The following EZH1 variants were observed in gnomAD, a reference collection of about 807,000 sequenced individuals.
EZH1 encodes the protein enhancer of zeste 1 polycomb repressive complex 2 subunit.
A neutral mutation model predicts 100.5 loss-of-function variants in EZH1; 33 were observed. The ratio of observed to expected loss-of-function variants is 0.33; its 90% CI spans 0.25 to 0.44. The LOEUF is 0.44. Among genes scored for constraint, EZH1 ranks in the 20% least tolerant of loss-of-function variants. EZH1 has a pLI of 1.00. For missense variants in EZH1, 475 were observed against 928.4 expected (o/e 0.51, Z 6.35); for synonymous variants, 272 against 313.8 (o/e 0.87, Z 1.41).
chr17:42,714,922 A>T (rs2053564709), intron 10 of EZH1, among the ~76,000 whole-genome samples: 1 of 138,346 alleles, frequency 7.2e-6, no homozygotes, highest in South Asian at 2.2e-4. Flanking sequence ...TAATTATATA[A>T]TTTATATAAA....
chr17:42,727,171 G>C (rs2053837616), intron 4 of EZH1, among the ~76,000 whole-genome samples: 1 of 152,046 alleles, frequency 6.6e-6, no homozygotes, highest in Admixed American at 6.6e-5. Context: ...TCTTGAAGCT[G>C]CAGATTTACT....
chr17:42,729,178 G>C (rs2143835922), intron 2 of EZH1: 1 of 378,486 alleles, frequency 2.6e-6, no homozygotes, highest in South Asian at 3.0e-5. Context: ...AAGCCGAGGT[G>C]AGAGCACTAC....
chr17:42,706,276 T>C lies in EZH1; in HGVS notation c.1661-91A>G. ...CAAGGGACAGCAAAGAAGTAAATTT[T>C]TTGTGTTCAAGGATGTTTGGCAAAA... On this transcript the variant is annotated intron_variant, in intron 15 of 20. Transcript: ENST00000428826. The surrounding 1 kb of genome is among the most constrained non-coding windows in gnomAD (Gnocchi z 4.4). The C allele has an allele frequency of 7.9e-7, 1 of 1,258,590 alleles. No individual in the cohort carries two copies. The highest frequency in any genetic ancestry group is 2.6e-5 in the Admixed American group (1 of 37,770). 78.0% of individuals were successfully genotyped at this position (1,258,590 alleles called of 1,614,324 possible).
At chr17:42,703,844 A>G (rs536373470) in intron 18 of EZH1, 24 bp from the exon 19 acceptor site, 7 of 1,544,412 alleles carry the variant, frequency 4.5e-6, no homozygotes, top group African/African-American at 1.4e-5. Context: ...ATCAAGGAAA[A>G]CCATAAGCAC....
At position 42,704,970 on chromosome 17, in the gene EZH1, C is replaced by G. The variant is rs919418664; in HGVS notation, c.1935+118G>C. On this transcript the variant is annotated intron_variant, in intron 17 of 20. Coordinates refer to ENST00000428826, the MANE Select transcript of EZH1 (RefSeq NM_001991.5). ...TCTGTGGGATCTCCCCAAGAGGCCA[C>G]GTGAGAACACAGCTGAGTTATTTAG... 29 of 889,192 alleles carry G rather than the reference C, an allele frequency of 3.3e-5. No individual in the cohort carries two copies. In the Admixed American group the frequency reaches 3.3e-4, roughly 10 times the overall value. The allele number at this position is 889,192 out of a possible 1,614,324, so 55.1% of individuals were successfully genotyped here.
chr17:42,722,661 T>A (rs2143806236), intron 6 of EZH1, 134 bp downstream of exon 6: 1 of 754,240 alleles, frequency 1.3e-6, no homozygotes, highest in Non-Finnish European at 2.0e-6. Flanking sequence ...CTCCCAGCCA[T>A]GTGATGACAT....
Position 42,734,372 on chromosome 17 carries a change from C to T in EZH1, c.-102-3454G>A, listed in dbSNP as rs192850870. 8.7e-4 allele frequency among the ~76,000 whole-genome samples: 132 copies of T among 152,206 alleles called. 3 individuals are homozygous for T. In the South Asian group the frequency reaches 0.022, roughly 25 times the overall value. On this transcript the variant is annotated intron_variant, in intron 1 of 20. Coordinates refer to ENST00000428826, the MANE Select transcript of EZH1 (RefSeq NM_001991.5). ...TGGTTTTAAATTGCAATCCCTCTTC[C>T]GTTCCTTTTTGGCATTCATTTTCCT...
chr17:42,734,748 C>A (rs1412194087), intron 1 of EZH1, among the ~76,000 whole-genome samples: 3 of 151,404 alleles, frequency 2.0e-5, no homozygotes, highest in Non-Finnish European at 4.4e-5. Flanking sequence ...AATCCCAGTA[C>A]TTTGGGAGGC....
intron 1 of EZH1, chr17:42,731,689 A>C (rs958338412): frequency 6.6e-6 from 1 of 151,364 alleles, no homozygotes; most frequent in Non-Finnish European, 1.5e-5. Context: ...CAGGAATTCA[A>C]GACCAGCCTG....
Position 42,721,301 on chromosome 17 carries a change from C to G in EZH1, c.488-852G>C, listed in dbSNP as rs185650206. On this transcript the variant is annotated intron_variant, in intron 6 of 20. Transcript: ENST00000428826. ...GTTGGTTTATGAAGTGATGGAGAGC[C>G]TCTCCTCTTTCCATTTCTTACACAC... 5.0e-3 allele frequency among the ~76,000 whole-genome samples: 755 copies of G among 152,288 alleles called. 8 individuals are homozygous for G. The highest frequency in any genetic ancestry group is 0.017 in the African/African-American group (692 of 41,558).
intron 2 of EZH1, 56 bp from the exon 3 acceptor site, chr17:42,729,008 TC>T: frequency 1.5e-6 from 2 of 1,324,168 alleles, no homozygotes; most frequent in Admixed American, 2.6e-5. Context: ...AAAGCATTCC[TC>T]AAATACAAAA....
At chr17:42,739,788 G>GTTT (rs1358954270) in intron 1 of EZH1, among the ~76,000 whole-genome samples, 1 of 146,054 alleles carries the variant, frequency 6.8e-6, no homozygotes. Flanking sequence ...AACAGGATTA[G>GTTT]TTTTTTTTTT....
At chr17:42,725,367 A>G (rs1007184925) in intron 4 of EZH1, among the ~76,000 whole-genome samples, 1 of 151,508 alleles carries the variant, frequency 6.6e-6, no homozygotes, top group Non-Finnish European at 1.5e-5. Flanking sequence ...CTCCCAGGCT[A>G]AAGCCATCCT....
Position 42,745,000 on chromosome 17 carries a change from TACTC to T in EZH1, c.-103+7_-103+10del, listed in dbSNP as rs1268053332. ...CCCCACCGCCCGGCCCAGGCTTGTT[TACTC>T]ACTCACCCTCCATCCCGAGCCGCGG... On this transcript the variant is annotated splice_region_variant and intron_variant, in intron 1 of 20. Transcript: ENST00000428826. 8 of 1,274,794 alleles carry T rather than the reference TACTC, an allele frequency of 6.3e-6. No homozygotes were observed. In the African/African-American group the frequency reaches 7.8e-5, roughly 12 times the overall value. The allele number at this position is 1,274,794 out of a possible 1,614,324, so 79.0% of individuals were successfully genotyped here. A position where few individuals can be genotyped will look rare whatever the true frequency, so the allele number is the denominator to read the frequency against.
At chr17:42,740,245 T>C (rs1379860384) in intron 1 of EZH1, among the ~76,000 whole-genome samples, 1 of 145,794 alleles carries the variant, frequency 6.9e-6, no homozygotes, top group Non-Finnish European at 1.5e-5. Flanking sequence ...GACAAGATCT[T>C]TTTTTTTTTT....
At chr17:42,722,625 CAAAAAA>C (rs11298431) in intron 6 of EZH1, among the ~76,000 whole-genome samples, 164 bp downstream of exon 6, 3 of 104,132 alleles carry the variant, frequency 2.9e-5, no homozygotes, top group Non-Finnish European at 5.7e-5. Context: ...AACTCCGTCT[CAAAAAA>C]AAAAAAAAAA....
At chr17:42,723,301 G>T (rs557843263) in intron 5 of EZH1, among the ~76,000 whole-genome samples, 4 of 152,168 alleles carry the variant, frequency 2.6e-5, no homozygotes, top group African/African-American at 9.6e-5. Flanking sequence ...CTTGAACCTG[G>T]GAGGCAGAGG....
At chr17:42,731,309 T>A (rs1377015398) in intron 1 of EZH1, among the ~76,000 whole-genome samples, 1 of 151,744 alleles carries the variant, frequency 6.6e-6, no homozygotes, top group Non-Finnish European at 1.5e-5. Flanking sequence ...GTAGTAGAGA[T>A]GGGATTTCAC....
Position 42,718,692 on chromosome 17 carries a change from A to C in EZH1, c.768-75T>G. 6.6e-7 allele frequency: 1 copy of C among 1,508,730 alleles called. No homozygotes were observed. Among genetic ancestry groups the C allele is most frequent in the South Asian group, 1.2e-5 (1 of 85,950 alleles). 93.5% of individuals were successfully genotyped at this position (1,508,730 alleles called of 1,614,324 possible). ...GAGGAAATACAGATTGGGTACTGAC[A>C]GTAGCTCACCTACGGTCTGCCAAGG... On this transcript the variant is annotated intron_variant, in intron 8 of 20. Coordinates refer to ENST00000428826, the MANE Select transcript of EZH1 (RefSeq NM_001991.5). The surrounding 1 kb of genome is among the most constrained non-coding windows in gnomAD (Gnocchi z 4.2).
Sources: gnomAD v4.1 joint callset for allele counts (sites outside exome capture counted in the v4.1 genomes callset) on GRCh38, gnomAD v4.1.1 for gene constraint, Gnocchi (gnomAD v3.1) non-coding constraint, MANE v1.5 for transcripts, NCBI Gene and HGNC (gene_info 2026-07-23, HGNC 2026-07-21) for gene names.